BTBD16: variants seen among roughly 807,000 people sequenced by gnomAD.
BTBD16 encodes the protein BTB domain containing 16.
Under a neutral mutation model 67.4 loss-of-function variants are expected in BTBD16, and 66 were observed. The ratio of observed to expected loss-of-function variants is 0.98; its 90% CI spans 0.80 to 1.20. BTBD16 has a LOEUF of 1.20. BTBD16 is among the 50% of genes most tolerant of loss of function. The pLI, the probability that BTBD16 is intolerant of heterozygous loss-of-function variation, is 0.00. For missense variants in BTBD16, 634 were observed against 616.0 expected (o/e 1.03, Z -0.31); for synonymous variants, 242 against 236.4 (o/e 1.02, Z -0.22).
chr10:122,294,922 A>G (rs1319887465), intron 7 of BTBD16, among the ~76,000 whole-genome samples: 2 of 152,224 alleles, frequency 1.3e-5, no homozygotes, highest in African/African-American at 4.8e-5. Flanking sequence ...TCGACAGACA[A>G]AAGCTGGCAC....
intron 3 of BTBD16, among the ~76,000 whole-genome samples, chr10:122,283,476 CA>C (rs2096357129): frequency 6.6e-6 from 1 of 152,176 alleles, no homozygotes; most frequent in African/African-American, 2.4e-5. Flanking sequence ...TTGGTGAGTT[CA>C]CATCCCAGAA....
intron 7 of BTBD16, among the ~76,000 whole-genome samples, chr10:122,295,707 GA>G (rs985526837): frequency 1.3e-5 from 2 of 152,142 alleles, no homozygotes; most frequent in African/African-American, 4.8e-5. Flanking sequence ...AGCAGTCTTA[GA>G]AGGCAAAATG....
At chr10:122,300,448 A>G (rs1449081687) in intron 9 of BTBD16, among the ~76,000 whole-genome samples, 1 of 152,044 alleles carries the variant, frequency 6.6e-6, no homozygotes, top group Non-Finnish European at 1.5e-5. Flanking sequence ...TGCTTGCTAT[A>G]TCATCTGCGT....
At position 122,289,958 on chromosome 10, in the gene BTBD16, C is replaced by A; in HGVS notation, c.435C>A (p.Ile145=). The part of the protein sequence containing the change: ...TKEKSPAKRI[I]ISLKINDPLV... ...AAAAATCCCCTGCAAAGAGGATCAT[C>A]ATTTCCTTGAAGATCAATGACCCAC... Residue 145 remains isoleucine (I), a synonymous_variant, in exon 6 of 16, where the codon ATC becomes ATA. Coordinates refer to ENST00000260723, the MANE Select transcript of BTBD16 (RefSeq NM_144587.5). The A allele has an allele frequency of 6.2e-7, 1 of 1,613,820 alleles. No homozygotes were observed. Among genetic ancestry groups the A allele is most frequent in the African/African-American group, 1.3e-5 (1 of 74,984 alleles).
Position 122,275,195 on chromosome 10 carries a change from C to T in BTBD16, c.18+96C>T, listed in dbSNP as rs1047076527. 4 of 1,173,218 alleles carry T rather than the reference C, an allele frequency of 3.4e-6. No individual in the cohort carries two copies. In the East Asian group the frequency reaches 7.0e-5, roughly 21 times the overall value. The allele number at this position is 1,173,218 out of a possible 1,614,324, so 72.7% of individuals were successfully genotyped here. A position where few individuals can be genotyped will look rare whatever the true frequency, so the allele number is the denominator to read the frequency against. On this transcript the variant is annotated intron_variant, in intron 2 of 15. Transcript: ENST00000260723. ...TTCCACAAGGGGCTGGGTTCTGCAC[C>T]ACCGAGGACCTCAAGCATTATTGGC...
chr10:122,317,041 G>A (rs2096426267), intron 10 of BTBD16, among the ~76,000 whole-genome samples: 1 of 152,092 alleles, frequency 6.6e-6, no homozygotes, highest in Non-Finnish European at 1.5e-5. Flanking sequence ...CACCCGCCTT[G>A]GCCTCCCAAA....
In BTBD16 at chr10:122,276,747, A is replaced by T. The variant is rs1306140224; in HGVS notation, c.19-44A>T. The T allele has an allele frequency of 5.0e-6, 8 of 1,594,060 alleles. No individual in the cohort carries two copies. The South Asian group carries it at 5.6e-5, about 11-fold the overall frequency. ...TTTGGAAAATCTGGCATTTATGTGA[A>T]GTTAGAAAAAAAGATGTCTTCTCTT... On this transcript the variant is annotated intron_variant, in intron 2 of 15. Transcript: ENST00000260723.
chr10:122,281,316 G>A (rs2096352640), intron 3 of BTBD16, among the ~76,000 whole-genome samples: 2 of 152,128 alleles, frequency 1.3e-5, no homozygotes, highest in Admixed American at 6.5e-5. Context: ...CTTATTATCA[G>A]GCATTCATGT....
chr10:122,294,500 G>T (rs1420907021), intron 7 of BTBD16, among the ~76,000 whole-genome samples: 1 of 152,220 alleles, frequency 6.6e-6, no homozygotes, highest in Non-Finnish European at 1.5e-5. Flanking sequence ...GTCACAGCAG[G>T]GATTGTGGCT....
intron 7 of BTBD16, chr10:122,295,533 A>T (rs1255121301): frequency 2.0e-6 from 2 of 985,138 alleles, no homozygotes; most frequent in Admixed American, 6.2e-5. Context: ...TGTGTGAAGG[A>T]TGTGGTATAA....
chr10:122,284,606 A>G (rs538129089), intron 4 of BTBD16, among the ~76,000 whole-genome samples: 1 of 151,958 alleles, frequency 6.6e-6, no homozygotes, highest in East Asian at 1.9e-4. Flanking sequence ...ATCAAGAATC[A>G]GGATAGGTCC....
At chr10:122,333,527 A>T (rs1292629472) in intron 13 of BTBD16, among the ~76,000 whole-genome samples, 1 of 152,112 alleles carries the variant, frequency 6.6e-6, no homozygotes, top group African/African-American at 2.4e-5. Context: ...CTCCAGAAAC[A>T]CTGATTACCT....
chr10:122,332,752 T>G (rs2096457254), intron 13 of BTBD16: 1 of 893,584 alleles, frequency 1.1e-6, no homozygotes, highest in South Asian at 5.2e-5. Flanking sequence ...GCAGTCCTGG[T>G]GGTACTGGAA....
intron 4 of BTBD16, 76 bp from the exon 5 acceptor site, chr10:122,286,029 G>A (rs1590054310): frequency 6.4e-6 from 9 of 1,404,076 alleles, no homozygotes; most frequent in Non-Finnish European, 8.9e-6. Context: ...CAAAGGAGCT[G>A]GGGGAGAGGA....
chr10:122,279,684 G>A (rs1305004163), intron 3 of BTBD16, among the ~76,000 whole-genome samples: 2 of 152,174 alleles, frequency 1.3e-5, no homozygotes, highest in African/African-American at 2.4e-5. Context: ...GCAACTCTCA[G>A]GTGGCAAACT....
At chr10:122,332,239 T>A in intron 12 of BTBD16, 197 bp from the exon 13 acceptor site, 1 of 571,488 alleles carries the variant, frequency 1.7e-6, no homozygotes. Flanking sequence ...CTGAGAGCAC[T>A]GGACACAGTG....
At chr10:122,277,813 TTTCTACACG>T (rs1564950454) in intron 3 of BTBD16, among the ~76,000 whole-genome samples, 1 of 152,180 alleles carries the variant, frequency 6.6e-6, no homozygotes, top group African/African-American at 2.4e-5. Context: ...GGGGATCAAA[TTTCTACACG>T]AGGTTTGGAG....
At chr10:122,322,340 GT>G (rs1314582319) in intron 10 of BTBD16, among the ~76,000 whole-genome samples, 1 of 152,052 alleles carries the variant, frequency 6.6e-6, no homozygotes, top group Admixed American at 6.6e-5. Flanking sequence ...CATCCCACGA[GT>G]TTTGATATAA....
At chr10:122,334,348 A>G (rs1169733540) in intron 13 of BTBD16, among the ~76,000 whole-genome samples, 1 of 151,366 alleles carries the variant, frequency 6.6e-6, no homozygotes, top group Admixed American at 6.6e-5. Flanking sequence ...GGCGCCCGCC[A>G]CCACGCCTGG....
Sources: allele counts gnomAD v4.1 joint callset (sites outside exome capture counted in the v4.1 genomes callset), GRCh38; gene constraint gnomAD v4.1.1; transcripts MANE v1.5; gene names NCBI Gene and HGNC (gene_info 2026-07-23, HGNC 2026-07-21).